PTK2B: variants seen among roughly 807,000 people sequenced by gnomAD.
PTK2B encodes the protein protein tyrosine kinase 2 beta.
In PTK2B, 71 loss-of-function variants were observed where a neutral mutation model predicts 142.9. The observed-to-expected ratio is 0.50, with a 90% CI of 0.41 to 0.61. The LOEUF is 0.61. PTK2B is among the 20% of genes least tolerant of loss of function. The pLI is 0.00. For synonymous variants in PTK2B, 519 were observed against 503.4 expected, an observed-to-expected ratio of 1.03 and a Z score of -0.42; for missense variants, 1,105 against 1,320.4, an observed-to-expected ratio of 0.84 and a Z score of 2.53.
At chr8:27,443,305 C>CT (rs1811273381) in intron 22 of PTK2B, among the ~76,000 whole-genome samples, 1 of 152,204 alleles carries the variant, frequency 6.6e-6, no homozygotes, top group South Asian at 2.1e-4. Context: ...TATCCTGGGT[C>CT]TTTTAGGTCC....
At chr8:27,360,346 G>A (rs929105728) in intron 1 of PTK2B, among the ~76,000 whole-genome samples, 2 of 152,234 alleles carry the variant, frequency 1.3e-5, no homozygotes, top group Non-Finnish European at 2.9e-5. Context: ...GCGCGATGCC[G>A]GCAAGCGCCG....
upstream of PTK2B, among the ~76,000 whole-genome samples, chr8:27,320,599 A>G (rs1803189944): frequency 1.3e-5 from 2 of 152,150 alleles, no homozygotes; most frequent in Non-Finnish European, 2.9e-5. Flanking sequence ...TTTGTCCTTT[A>G]TTAAAAAAGA....
chr8:27,350,615 A>G (rs1804991117), intron 1 of PTK2B, among the ~76,000 whole-genome samples: 1 of 152,076 alleles, frequency 6.6e-6, no homozygotes, highest in Admixed American at 6.6e-5. Context: ...CTTCGTAATA[A>G]AGTTGCAAGA....
chr8:27,451,236 T>C (rs1054372637), intron 26 of PTK2B, among the ~76,000 whole-genome samples, 158 bp downstream of exon 26: 3 of 152,090 alleles, frequency 2.0e-5, no homozygotes, highest in Non-Finnish European at 1.5e-5. Flanking sequence ...TTTCTGCCAA[T>C]CCCTACATGG....
intron 1 of PTK2B, among the ~76,000 whole-genome samples, chr8:27,348,998 C>T (rs1360856374): frequency 1.3e-5 from 2 of 152,142 alleles, no homozygotes; most frequent in African/African-American, 2.4e-5. Context: ...AACACCCCAT[C>T]AGGCATGTTT....
intron 1 of PTK2B, among the ~76,000 whole-genome samples, chr8:27,371,920 A>G (rs1044740042): frequency 5.9e-5 from 9 of 152,330 alleles, no homozygotes; most frequent in African/African-American, 1.9e-4. Flanking sequence ...CGTGTGTGCC[A>G]GGCACCGATC....
chr8:27,393,098 G>A (rs948908354), intron 1 of PTK2B, among the ~76,000 whole-genome samples: 1 of 152,188 alleles, frequency 6.6e-6, no homozygotes, highest in African/African-American at 2.4e-5. Context: ...TTAAAACCTG[G>A]TTTGGGATCT....
chr8:27,322,413 G>A (rs2130666823), upstream of PTK2B: 1 of 152,232 alleles, frequency 6.6e-6, no homozygotes, highest in African/African-American at 2.4e-5. Context: ...AATAGGACTA[G>A]CAACTTCATA....
chr8:27,454,395 C>T, intron 29 of PTK2B, 104 bp downstream of exon 29: 1 of 1,551,956 alleles, frequency 6.4e-7, no homozygotes, highest in Non-Finnish European at 8.8e-7. Flanking sequence ...CCTCTTAGAG[C>T]AAGCTGGGCC....
chr8:27,422,463 G>T, intron 5 of PTK2B, 80 bp downstream of exon 5: 1 of 1,291,224 alleles, frequency 7.7e-7, no homozygotes, highest in Non-Finnish European at 1.0e-6. Context: ...TGTCCAAGAT[G>T]GGAAGCAGGA....
chr8:27,433,361 C>G (rs1237657936), intron 10 of PTK2B, 74 bp from the exon 11 acceptor site: 5 of 1,323,966 alleles, frequency 3.8e-6, no homozygotes, highest in Non-Finnish European at 5.3e-6. Flanking sequence ...GTCCTGCCAT[C>G]TCTTCTCCAG....
chr8:27,424,040 C>T (rs976764016), intron 5 of PTK2B, among the ~76,000 whole-genome samples: 2 of 152,256 alleles, frequency 1.3e-5, no homozygotes, highest in South Asian at 4.2e-4. Context: ...GCCTTTCATC[C>T]CTTCTCAGAC....
chr8:27,434,278 A>C, intron 12 of PTK2B, 146 bp downstream of exon 12: 4 of 1,153,706 alleles, frequency 3.5e-6, no homozygotes, highest in Non-Finnish European at 4.9e-6. Context: ...TTTCCCTCCC[A>C]ATAAATACCT....
At position 27,431,612 on chromosome 8, in the gene PTK2B, G is replaced by A. The variant is rs573048240; in HGVS notation, c.885+140G>A. 2.1e-4 allele frequency: 212 copies of A among 1,027,120 alleles called. No homozygotes were observed. In the East Asian group the frequency reaches 2.8e-3, roughly 13 times the overall value. The allele number at this position is 1,027,120 out of a possible 1,614,324, so 63.6% of individuals were successfully genotyped here. A position where few individuals can be genotyped will look rare whatever the true frequency, so the allele number is the denominator to read the frequency against. Reference sequence around the variant, plus strand: ...AGTTCTTCTAAGGCCATGCCCTGGCGTGAGCAGCAGTGGAGAGCATTTAGA... The same window carrying A: ...AGTTCTTCTAAGGCCATGCCCTGGCATGAGCAGCAGTGGAGAGCATTTAGA... On this transcript the variant is annotated intron_variant, in intron 9 of 30. Transcript: ENST00000346049.
chr8:27,451,708 A>C (rs1586360581), intron 27 of PTK2B, 199 bp downstream of exon 27: 1 of 1,420,474 alleles, frequency 7.0e-7, no homozygotes, highest in East Asian at 2.7e-5. Context: ...CCTGCCTAGC[A>C]CCCTGCCCTT....
chr8:27,434,094 T>C lies in PTK2B; in HGVS notation c.1107T>C (p.Asp369=). 6.8e-6 allele frequency: 11 copies of C among 1,613,988 alleles called. No individual in the cohort carries two copies. Among genetic ancestry groups the C allele is most frequent in the Non-Finnish European group, 9.3e-6 (11 of 1,179,936 alleles). Residue 369 remains aspartate (D), a splice_region_variant and synonymous_variant, in exon 12 of 31, where the codon GAT becomes GAC. Coordinates refer to ENST00000346049, the MANE Select transcript of PTK2B (RefSeq NM_173176.3). ...QGSLIIHPRK[D]GEKRNSLPQI... ...TCCTCCTTCCTCCTCTCTTCCTAGA[T>C]GGTGAGAAGCGGAACAGCCTGCCCC... is the stretch of plus-strand genomic sequence containing the variant.
chr8:27,359,470 T>A (rs532335119), intron 1 of PTK2B, among the ~76,000 whole-genome samples: 1 of 152,346 alleles, frequency 6.6e-6, no homozygotes, highest in South Asian at 2.1e-4. Context: ...AGTTCTTGAT[T>A]TTCTAATCTA....
chr8:27,447,578 G>A (rs1811545569), intron 24 of PTK2B, among the ~76,000 whole-genome samples: 1 of 152,196 alleles, frequency 6.6e-6, no homozygotes, highest in South Asian at 2.1e-4. Flanking sequence ...ACAATTCAAG[G>A]CCAGGCGTGG....
upstream of PTK2B, chr8:27,311,267 T>A (rs774030977): frequency 1.4e-5 from 20 of 1,470,368 alleles, no homozygotes; most frequent in East Asian, 4.7e-4. Context: ...CGCCCGGAAC[T>A]TTTGCTCCGG....
Sources: gnomAD v4.1 joint callset for allele counts (sites outside exome capture counted in the v4.1 genomes callset) on GRCh38, gnomAD v4.1.1 for gene constraint, MANE v1.5 for transcripts, NCBI Gene and HGNC (gene_info 2026-07-23, HGNC 2026-07-21) for gene names.